The following CENPE variants were observed in gnomAD, a reference collection of about 807,000 sequenced individuals.
The protein encoded by CENPE is centromere-associated protein E.
CENPE carries 145 observed loss-of-function variants against 336.1 expected under a neutral mutation model. The ratio of observed to expected loss-of-function variants is 0.43; its 90% confidence interval spans 0.38 to 0.50. The LOEUF is 0.50. Ranked by LOEUF, CENPE falls within the 20% of genes least tolerant of loss-of-function variation. CENPE has a pLI of 0.00. For synonymous variants in CENPE, 1,013 were observed against 984.8 expected (o/e 1.03, Z -0.54); for missense variants, 2,719 against 3,023.3 (o/e 0.90, Z 2.36).
At chr4:103,116,916 T>C (rs1018880623) in intron 44 of CENPE, among the ~76,000 whole-genome samples, 2 of 152,140 alleles carry the variant, frequency 1.3e-5, no homozygotes, top group Non-Finnish European at 2.9e-5. Flanking sequence ...GGAGCTATCA[T>C]AATATGCAAT....
At chr4:103,163,081 G>A (rs1578639023) in intron 18 of CENPE, 56 bp downstream of exon 18, 4 of 1,458,150 alleles carry the variant, frequency 2.7e-6, no homozygotes, top group African/African-American at 2.8e-5. Flanking sequence ...TTGCTAAGAT[G>A]ATGGTATGCT....
chr4:103,146,222 G>A, intron 29 of CENPE, 115 bp from the exon 30 acceptor site: 1 of 883,514 alleles, frequency 1.1e-6, no homozygotes, highest in Non-Finnish European at 1.7e-6. Flanking sequence ...CTCATTTACA[G>A]AGCAATCTCT....
chr4:103,147,716 C>T lies in CENPE; in HGVS notation c.3844-70G>A, dbSNP rs1024043368. On this transcript the variant is annotated intron_variant, in intron 28 of 48. Coordinates refer to ENST00000265148, the MANE Select transcript of CENPE (RefSeq NM_001813.3). ...GATCATAATTTTTTTTTTTTTGAGA[C>T]GGCATCTCACTCTGTTGCCCAGGTG... 139 of 1,341,852 alleles carry T rather than the reference C, an allele frequency of 1.0e-4. 1 individual carries two copies. In the South Asian group the frequency reaches 1.4e-3, roughly 14 times the overall value. 83.1% of individuals were successfully genotyped at this position (1,341,852 alleles called of 1,614,324 possible). A position where few individuals can be genotyped will look rare whatever the true frequency, so the allele number is the denominator to read the frequency against.
At chr4:103,137,445 AC>A (rs1752165336) in intron 39 of CENPE, among the ~76,000 whole-genome samples, 1 of 152,314 alleles carries the variant, frequency 6.6e-6, no homozygotes, top group Admixed American at 6.5e-5. Flanking sequence ...GGGCGTTCTC[AC>A]AAGAATGAGC....
intron 8 of CENPE, among the ~76,000 whole-genome samples, chr4:103,189,966 G>A (rs576097136): frequency 3.3e-5 from 5 of 152,194 alleles, no homozygotes; most frequent in East Asian, 1.9e-4. Context: ...AAATCAATGT[G>A]CAAAAATCAC....
At chr4:103,147,282 A>G in intron 29 of CENPE, 74 bp downstream of exon 29, 5 of 1,274,286 alleles carry the variant, frequency 3.9e-6, no homozygotes, top group Non-Finnish European at 5.5e-6. Flanking sequence ...TACAAACATT[A>G]TAACTATAAC....
intron 44 of CENPE, among the ~76,000 whole-genome samples, chr4:103,117,771 G>A (rs1750271429): frequency 6.6e-6 from 1 of 151,764 alleles, no homozygotes; most frequent in East Asian, 1.9e-4. Flanking sequence ...GGGATTACAG[G>A]TGCTTACCAC....
chr4:103,129,927 T>C (rs1235383002), intron 42 of CENPE, among the ~76,000 whole-genome samples: 2 of 152,150 alleles, frequency 1.3e-5, no homozygotes, highest in African/African-American at 4.8e-5. Flanking sequence ...AAAAATCACA[T>C]GATCATATCA....
At chr4:103,124,192 T>C (rs929250640) in intron 42 of CENPE, among the ~76,000 whole-genome samples, 4 of 152,140 alleles carry the variant, frequency 2.6e-5, no homozygotes, top group African/African-American at 9.7e-5. Flanking sequence ...ATACATATTT[T>C]AAAAAAACTT....
chr4:103,121,244 A>T (rs1255281297), intron 43 of CENPE, among the ~76,000 whole-genome samples: 1 of 152,226 alleles, frequency 6.6e-6, no homozygotes, highest in African/African-American at 2.4e-5. Context: ...ACAATATACT[A>T]AATATAGTTC....
At position 103,145,040 on chromosome 4, in the gene CENPE, G is replaced by T; in HGVS notation, c.4857+10C>A. 1 of 1,480,018 alleles carries T rather than the reference G, an allele frequency of 6.8e-7. No individual in the cohort carries two copies. The highest frequency in any genetic ancestry group is 2.3e-5 in the East Asian group (1 of 43,600). The allele number at this position is 1,480,018 out of a possible 1,614,324, so 91.7% of individuals were successfully genotyped here. A position where few individuals can be genotyped will look rare whatever the true frequency, so the allele number is the denominator to read the frequency against. On this transcript the variant is annotated intron_variant, in intron 32 of 48. Coordinates refer to ENST00000265148, the MANE Select transcript of CENPE (RefSeq NM_001813.3). ...TATCCAAAAAAAAAAAAAATAAGATGGGAACTTACTTTAGCTACAATTTCT... is the reference window on the plus strand; with the variant it reads ...TATCCAAAAAAAAAAAAAATAAGATTGGAACTTACTTTAGCTACAATTTCT...
intron 24 of CENPE, among the ~76,000 whole-genome samples, chr4:103,157,982 G>A (rs917350197): frequency 2.0e-5 from 3 of 151,960 alleles, no homozygotes; most frequent in Middle Eastern, 3.4e-3. Flanking sequence ...CTGGTATAAC[G>A]TTATAAGGCA....
chr4:103,172,965 T>C (rs759339026), intron 16 of CENPE, among the ~76,000 whole-genome samples: 6 of 152,124 alleles, frequency 3.9e-5, no homozygotes, highest in Non-Finnish European at 7.4e-5. Flanking sequence ...GCGATATCTA[T>C]CAAAACACCA....
intron 40 of CENPE, among the ~76,000 whole-genome samples, chr4:103,134,980 A>C (rs1430328107): frequency 6.6e-6 from 1 of 152,208 alleles, no homozygotes; most frequent in Non-Finnish European, 1.5e-5. Flanking sequence ...TGACTCTCTG[A>C]AGTATTTGCC....
chr4:103,167,650 C>T (rs2125990073), intron 16 of CENPE, among the ~76,000 whole-genome samples: 1 of 152,222 alleles, frequency 6.6e-6, no homozygotes, highest in South Asian at 2.1e-4. Flanking sequence ...CCTTTGGATT[C>T]AGGTAGGAGG....
chr4:103,114,488 G>T lies in CENPE; in HGVS notation c.7507C>A (p.Leu2503Ile). 3 of 1,611,556 alleles carry T rather than the reference G, an allele frequency of 1.9e-6. No homozygotes were observed. Among genetic ancestry groups the T allele is most frequent in the Non-Finnish European group, 2.5e-6 (3 of 1,178,714 alleles). ...KEVIRLLREN[L>I]RRSQQAQDTS... is the part of the protein sequence containing the mutation. ...TCTTGGGCCTGTTGACTTCTTCTGA[G>T]ATTTTCTCTCAATAGCCTTATAACT... Residue 2503 changes from leucine (L) to isoleucine (I), a missense_variant, in exon 46 of 49, where the codon CTC becomes ATC. By Grantham distance (5) the Leu-to-Ile change is conservative (BLOSUM62 2). Coordinates refer to ENST00000265148, the MANE Select transcript of CENPE (RefSeq NM_001813.3).
intron 42 of CENPE, among the ~76,000 whole-genome samples, chr4:103,129,431 G>A (rs1751395752): frequency 6.6e-6 from 1 of 152,068 alleles, no homozygotes; most frequent in Non-Finnish European, 1.5e-5. Flanking sequence ...CTACAGACCA[G>A]TATCTCCCAT....
intron 42 of CENPE, among the ~76,000 whole-genome samples, chr4:103,129,943 T>C (rs980317231): frequency 1.4e-4 from 21 of 152,162 alleles, no homozygotes; most frequent in African/African-American, 5.1e-4. Flanking sequence ...TATCAATGGA[T>C]GCAGAAAAAA....
rs1184381288 is a variant in CENPE at position 103,106,139 on chromosome 4, C to T, written c.*83G>A. On this transcript the variant is annotated 3_prime_UTR_variant, in exon 49 of 49. Coordinates refer to ENST00000265148, the MANE Select transcript of CENPE (RefSeq NM_001813.3). ...GAATTGAAATTAAGCTGCACTACAA[C>T]ATCATTACCAGGGATAGACACATAA... The T allele has an allele frequency of 4.8e-6, 4 of 841,318 alleles. No homozygotes were observed. In the African/African-American group the frequency reaches 6.9e-5, roughly 14 times the overall value. 52.1% of individuals were successfully genotyped at this position (841,318 alleles called of 1,614,324 possible). A position where few individuals can be genotyped will look rare whatever the true frequency, so the allele number is the denominator to read the frequency against.
Sources: allele counts gnomAD v4.1 joint callset (sites outside exome capture counted in the v4.1 genomes callset), GRCh38; gene constraint gnomAD v4.1.1; transcripts MANE v1.5; gene names NCBI Gene and HGNC (gene_info 2026-07-23, HGNC 2026-07-21).